Variants in SHQ1 observed in about 807,000 individuals in gnomAD.
SHQ1 encodes the protein SHQ1, H/ACA ribonucleoprotein assembly factor, also known as protein SHQ1 homolog.
In SHQ1, 49 loss-of-function variants were observed where a neutral mutation model predicts 53.8. The observed-to-expected ratio is 0.91, with a 90% CI of 0.72 to 1.16. SHQ1 has a LOEUF of 1.16. Among genes scored for constraint, SHQ1 ranks in the 50% most tolerant of loss-of-function variants. SHQ1 has a pLI of 0.00. For missense variants in SHQ1, 738 were observed against 683.1 expected (o/e 1.08, Z -0.90); for synonymous variants, 243 against 251.0 (o/e 0.97, Z 0.30).
At chr3:72,743,184 G>A in the SHQ1 span, among the ~76,000 whole-genome samples, 6 of 152,248 alleles carry the variant, frequency 3.9e-5, no homozygotes, top group South Asian at 8.3e-4. Context: ...CAGAACTCTG[G>A]AACCCACTGC....
At chr3:72,792,803 A>C (rs1001436996) in intron 10 of SHQ1, 113 bp downstream of exon 10, 189 of 762,538 alleles carry the variant, frequency 2.5e-4, no homozygotes, top group South Asian at 6.5e-4. Flanking sequence ...AAAAAAAAAA[A>C]AAAAAAAACA....
chr3:72,727,609 T>G, the SHQ1 span, among the ~76,000 whole-genome samples: 1 of 152,224 alleles, frequency 6.6e-6, no homozygotes, highest in Non-Finnish European at 1.5e-5. Flanking sequence ...TTTGTTTTGT[T>G]TTCAGAAGCG....
In SHQ1 at chr3:72,750,843, A is replaced by C; in HGVS notation, c.1182-7T>G. ...AGCTGCCAACTTTTTGGATCTTGAA[A>C]ACATTTTAAAAAGAAAGATTAGAAT... is the stretch of plus-strand genomic sequence containing the variant. On this transcript the variant is annotated splice_polypyrimidine_tract_variant and splice_region_variant and intron_variant, in intron 10 of 10. Transcript: ENST00000325599. 1 of 1,497,414 alleles carries C rather than the reference A, an allele frequency of 6.7e-7. No individual in the cohort carries two copies. The highest frequency in any genetic ancestry group is 8.9e-7 in the Non-Finnish European group (1 of 1,123,950). 92.8% of individuals were successfully genotyped at this position (1,497,414 alleles called of 1,614,324 possible).
chr3:72,827,675 T>A (rs2106909683), intron 5 of SHQ1, among the ~76,000 whole-genome samples: 1 of 152,182 alleles, frequency 6.6e-6, no homozygotes, highest in South Asian at 2.1e-4. Context: ...TGACGGTGAC[T>A]AATGTTTTAC....
chr3:72,751,508 G>GTGTGTGTGTGTGTGTATATATA (rs1210782182), intron 10 of SHQ1, among the ~76,000 whole-genome samples: 3 of 116,984 alleles, frequency 2.6e-5, no homozygotes, highest in African/African-American at 8.9e-5. Context: ...GTGTGTGTGT[G>GTGTGTGTGTGTGTGTATATATA]TATATATATA....
chr3:72,820,229 C>G lies in SHQ1; in HGVS notation c.728-2845G>C, dbSNP rs115936561. On this transcript the variant is annotated intron_variant, in intron 6 of 10. Transcript: ENST00000325599. ...TTGACCTAGGCAATGTAGGTTCTGACGTTACATTATCCACATGTAAGTATT... is the reference window on the plus strand; with the variant it reads ...TTGACCTAGGCAATGTAGGTTCTGAGGTTACATTATCCACATGTAAGTATT... Among the ~76,000 whole-genome samples the G allele has an allele frequency of 3.1e-3, 466 of 152,272 alleles. 2 individuals are homozygous for G. Among genetic ancestry groups the G allele is most frequent in the African/African-American group, 0.011 (449 of 41,538 alleles).
At chr3:72,840,243 A>C (rs1453807859) in intron 4 of SHQ1, among the ~76,000 whole-genome samples, 2,387 of 63,328 alleles carry the variant, frequency 0.038, 67 homozygotes, top group African/African-American at 0.21. Context: ...ACTCTGTCTT[A>C]AAAAAAAAAA....
intron 10 of SHQ1, among the ~76,000 whole-genome samples, chr3:72,786,487 A>C (rs1706237301): frequency 1.3e-5 from 2 of 152,300 alleles, no homozygotes; most frequent in South Asian, 4.1e-4. Context: ...CAGGCTGTTC[A>C]AATGGGCCAT....
At position 72,751,787 on chromosome 3, in the gene SHQ1, A is replaced by G. The variant is rs75342990; in HGVS notation, c.1182-951T>C. The stretch of plus-strand genomic sequence containing the variant: ...TATTCTGTTAACAAGACTGCAGGAG[A>G]AAAGGCACTTTCATATACTGATGCA... On this transcript the variant is annotated intron_variant, in intron 10 of 10. Coordinates refer to ENST00000325599, the MANE Select transcript of SHQ1 (RefSeq NM_018130.3). 7.9e-3 allele frequency among the ~76,000 whole-genome samples: 1,206 copies of G among 152,168 alleles called. 21 individuals carry two copies. The highest frequency in any genetic ancestry group is 0.027 in the African/African-American group (1,135 of 41,500).
intron 5 of SHQ1, among the ~76,000 whole-genome samples, chr3:72,831,659 T>C (rs990221078): frequency 6.6e-6 from 1 of 152,228 alleles, no homozygotes; most frequent in Non-Finnish European, 1.5e-5. Context: ...CAGAGCCACA[T>C]GTCCAAGAGA....
chr3:72,808,991 A>C (rs560129662), intron 9 of SHQ1, among the ~76,000 whole-genome samples: 2 of 152,186 alleles, frequency 1.3e-5, no homozygotes, highest in Non-Finnish European at 2.9e-5. Context: ...TGGGTGCAGG[A>C]AGGAGGTGCT....
At chr3:72,825,396 A>G (rs980465553) in intron 5 of SHQ1, among the ~76,000 whole-genome samples, 6 of 151,362 alleles carry the variant, frequency 4.0e-5, no homozygotes, top group Non-Finnish European at 8.8e-5. Flanking sequence ...ACACACACAC[A>G]CACCATTTTT....
intron 5 of SHQ1, among the ~76,000 whole-genome samples, chr3:72,825,172 A>G (rs1707611878): frequency 2.6e-5 from 4 of 152,136 alleles, no homozygotes. Context: ...ATATTCGATG[A>G]TGTGAAATGA....
chr3:72,773,162 A>G, intron 10 of SHQ1: 1 of 744,240 alleles, frequency 1.3e-6, no homozygotes, highest in Non-Finnish European at 2.5e-6. Flanking sequence ...TTTTGGAAAA[A>G]GACATAAAAA....
downstream of SHQ1, among the ~76,000 whole-genome samples, chr3:72,745,976 G>A (rs1444466689): frequency 3.9e-5 from 6 of 152,074 alleles, no homozygotes; most frequent in Admixed American, 6.5e-5. Flanking sequence ...GAGTAGCTGG[G>A]ATTACACGGG....
the SHQ1 span, among the ~76,000 whole-genome samples, chr3:72,725,932 AC>A: frequency 6.6e-6 from 1 of 152,168 alleles, no homozygotes; most frequent in African/African-American, 2.4e-5. Context: ...TAAGCACTTT[AC>A]GCATATTATT....
At chr3:72,802,792 G>A (rs1197875425) in intron 9 of SHQ1, among the ~76,000 whole-genome samples, 1 of 152,132 alleles carries the variant, frequency 6.6e-6, no homozygotes, top group Non-Finnish European at 1.5e-5. Context: ...AGTGAGGTGT[G>A]GTACTGGAGG....
In SHQ1 at chr3:72,750,593, T is replaced by G; in HGVS notation, c.1425A>C (p.Ser475=). ...GACTATCTTTGAGTTCATCTTGTTC[T>G]GAATCTGAGCCTGAGTCTTCGTTTC... ...SSGNEDSGSD[S]EQDELKDSPS... The change falls in exon 11 of 11, where the codon TCA becomes TCC. Residue 475 remains serine (S), a synonymous_variant. Transcript: ENST00000325599. 1 of 1,614,242 alleles carries G rather than the reference T, an allele frequency of 6.2e-7. No homozygotes were observed. Among genetic ancestry groups the G allele is most frequent in the South Asian group, 1.1e-5 (1 of 91,084 alleles).
chr3:72,848,344 C>G lies in SHQ1; in HGVS notation c.-4G>C, dbSNP rs372599849. 22 of 1,613,500 alleles carry G rather than the reference C, an allele frequency of 1.4e-5. No homozygotes were observed. In the East Asian group the frequency reaches 4.7e-4, roughly 34 times the overall value. Reference sequence around the variant, plus strand: ...GGTCGAACGCCGGGGTCAGCATCGCCGCACCGGACGCAAGGGCCGGCGCCG... The same window carrying G: ...GGTCGAACGCCGGGGTCAGCATCGCGGCACCGGACGCAAGGGCCGGCGCCG... On this transcript the variant is annotated 5_prime_UTR_variant, in exon 1 of 11. Coordinates refer to ENST00000325599, the MANE Select transcript of SHQ1 (RefSeq NM_018130.3).
Sources: gnomAD v4.1 joint callset for allele counts (sites outside exome capture counted in the v4.1 genomes callset) on GRCh38, gnomAD v4.1.1 for gene constraint, MANE v1.5 for transcripts, NCBI Gene and HGNC (gene_info 2026-07-23, HGNC 2026-07-21) for gene names.